The following CTNNA3 variants were observed in gnomAD, a reference collection of about 807,000 sequenced individuals.
The protein encoded by CTNNA3 is catenin alpha 3.
Under a neutral mutation model 95.7 loss-of-function variants are expected in CTNNA3, and 76 were observed. That is an observed-to-expected ratio of 0.79 (90% CI 0.66 to 0.96). The LOEUF is 0.96. CTNNA3 is among the 40% of genes least tolerant of loss of function. The pLI is 0.00. For missense variants in CTNNA3, 1,191 were observed against 1,089.8 expected (o/e 1.09, Z -1.31); for synonymous variants, 431 against 374.4 (o/e 1.15, Z -1.74).
Position 66,334,592 on chromosome 10 carries a change from C to T in CTNNA3, c.1732+44560G>A, listed in dbSNP as rs556340272. On this transcript the variant is annotated intron_variant, in intron 12 of 17. Coordinates refer to ENST00000433211, the MANE Select transcript of CTNNA3 (RefSeq NM_013266.4). The stretch of plus-strand genomic sequence containing the variant: ...CTCTTCTGGCTTGTAGAGTTTCTGC[C>T]GAGAGGTCAGCTGTAAGTCTGATGG... 1.1e-3 allele frequency among the ~76,000 whole-genome samples: 164 copies of T among 152,152 alleles called. 1 individual carries two copies. The highest frequency in any genetic ancestry group is 0.01 in the Middle Eastern group (3 of 294).
intron 17 of CTNNA3, among the ~76,000 whole-genome samples, chr10:65,928,678 A>T (rs2077204165): frequency 6.6e-6 from 1 of 152,194 alleles, no homozygotes; most frequent in Admixed American, 6.5e-5. Context: ...ATTCTGCACA[A>T]ACTGTTAATA....
At chr10:66,659,970 A>C (rs1846204356) in intron 9 of CTNNA3, among the ~76,000 whole-genome samples, 1 of 152,080 alleles carries the variant, frequency 6.6e-6, no homozygotes, top group Non-Finnish European at 1.5e-5. Flanking sequence ...TTATGACAAT[A>C]TTGACAATAT....
intron 7 of CTNNA3, among the ~76,000 whole-genome samples, chr10:67,071,745 A>G (rs1856477064): frequency 6.6e-6 from 1 of 152,084 alleles, no homozygotes; most frequent in Non-Finnish European, 1.5e-5. Context: ...ATTTTTACTT[A>G]TGTTTAAAAA....
intron 10 of CTNNA3, among the ~76,000 whole-genome samples, chr10:66,604,427 C>T (rs1416253042): frequency 2.0e-5 from 3 of 152,130 alleles, no homozygotes; most frequent in African/African-American, 7.2e-5. Flanking sequence ...CCCATTAGCA[C>T]CCTGCTGCAG....
chr10:67,387,319 T>A (rs1003408240), intron 5 of CTNNA3, among the ~76,000 whole-genome samples: 1 of 151,810 alleles, frequency 6.6e-6, no homozygotes, highest in Non-Finnish European at 1.5e-5. Flanking sequence ...AAAAATCGGG[T>A]CACTCCCACC....
chr10:66,102,341 G>A (rs1223294484), intron 14 of CTNNA3, among the ~76,000 whole-genome samples: 1 of 152,126 alleles, frequency 6.6e-6, no homozygotes, highest in Admixed American at 6.5e-5. Context: ...TATATAAGTG[G>A]TCTGTTAGTT....
chr10:66,485,819 T>C (rs1364255424), intron 11 of CTNNA3, among the ~76,000 whole-genome samples: 1 of 152,058 alleles, frequency 6.6e-6, no homozygotes, highest in African/African-American at 2.4e-5. Context: ...CCTAGAGGCA[T>C]CACACTATCT....
At chr10:66,283,675 G>C (rs1269812838) in intron 12 of CTNNA3, among the ~76,000 whole-genome samples, 1 of 151,790 alleles carries the variant, frequency 6.6e-6, no homozygotes, top group African/African-American at 2.4e-5. Flanking sequence ...AGTACAGATG[G>C]AAACTACTAC....
At chr10:66,088,485 TTGTGTGTGTG>T (rs3074377) in intron 14 of CTNNA3, among the ~76,000 whole-genome samples, 19,513 of 139,572 alleles carry the variant, frequency 0.14, 1,505 homozygotes, top group Admixed American at 0.22. Context: ...GGTAGGTGTT[TTGTGTGTGTG>T]TGTGTGTGTG....
intron 17 of CTNNA3, among the ~76,000 whole-genome samples, chr10:65,955,460 T>C (rs959833964): frequency 7.9e-5 from 12 of 152,212 alleles, no homozygotes. Flanking sequence ...ATCCCTGTCT[T>C]GCGCCAGTTT....
rs989965327 is a variant in CTNNA3 at position 66,937,789 on chromosome 10, C to G, written c.1048-162265G>C. The stretch of plus-strand genomic sequence containing the variant: ...AATTTCCTTTGTGAGAAATGCCCTT[C>G]CTCCCTCCCAAGTCCTCCAGTCAAT... On this transcript the variant is annotated intron_variant, in intron 7 of 17. Coordinates refer to ENST00000433211, the MANE Select transcript of CTNNA3 (RefSeq NM_013266.4). 2.6e-5 allele frequency among the ~76,000 whole-genome samples: 4 copies of G among 152,102 alleles called. No individual in the cohort carries two copies. In the East Asian group the frequency reaches 7.7e-4, roughly 29 times the overall value.
At position 66,028,532 on chromosome 10, in the gene CTNNA3, G is replaced by T. The variant is rs1006256228; in HGVS notation, c.2160-39735C>A. ...ACACCGCATGTTCTCACTCATAGGT[G>T]GGAATTGAACAATGAGGACACATGG... On this transcript the variant is annotated intron_variant, in intron 15 of 17. Coordinates refer to ENST00000433211, the MANE Select transcript of CTNNA3 (RefSeq NM_013266.4). 8.6e-5 allele frequency among the ~76,000 whole-genome samples: 13 copies of T among 151,728 alleles called. 1 individual carries two copies.
At position 66,675,320 on chromosome 10, in the gene CTNNA3, C is replaced by A. The variant is rs75391616; in HGVS notation, c.1282-53536G>T. Reference sequence around the variant, plus strand: ...TCCTATTTTCTAGTATTACTACATACCTTTTTGCTCATTTTGTGCTTCTTT... The same window carrying A: ...TCCTATTTTCTAGTATTACTACATAACTTTTTGCTCATTTTGTGCTTCTTT... On this transcript the variant is annotated intron_variant, in intron 9 of 17. Coordinates refer to ENST00000433211, the MANE Select transcript of CTNNA3 (RefSeq NM_013266.4). 4.3e-3 allele frequency among the ~76,000 whole-genome samples: 657 copies of A among 151,636 alleles called. 5 individuals are homozygous for A. Among genetic ancestry groups the A allele is most frequent in the African/African-American group, 0.014 (563 of 41,324 alleles).
intron 3 of CTNNA3, among the ~76,000 whole-genome samples, chr10:67,604,153 T>G (rs1192928245): frequency 6.6e-6 from 1 of 152,232 alleles, no homozygotes; most frequent in Non-Finnish European, 1.5e-5. Context: ...GTACACTCTA[T>G]GATGTTCACA....
chr10:66,292,090 C>CACAA (rs1269172410), intron 12 of CTNNA3, among the ~76,000 whole-genome samples: 1 of 151,586 alleles, frequency 6.6e-6, no homozygotes, highest in Non-Finnish European at 1.5e-5. Flanking sequence ...CACACACACA[C>CACAA]ACACATATAT....
At chr10:67,637,121 G>C (rs542758911) in intron 2 of CTNNA3, among the ~76,000 whole-genome samples, 1 of 152,076 alleles carries the variant, frequency 6.6e-6, no homozygotes, top group Non-Finnish European at 1.5e-5. Context: ...CTTGAAAAAA[G>C]ATTAAACGAA....
chr10:66,920,274 A>G (rs1267305666), intron 7 of CTNNA3, among the ~76,000 whole-genome samples: 1 of 152,224 alleles, frequency 6.6e-6, no homozygotes, highest in Non-Finnish European at 1.5e-5. Context: ...AAAAGTTTAT[A>G]AGTCAGGTTT....
chr10:66,647,731 G>A (rs2132401686), intron 9 of CTNNA3, among the ~76,000 whole-genome samples: 1 of 151,406 alleles, frequency 6.6e-6, no homozygotes, highest in African/African-American at 2.4e-5. Context: ...TTGTTAGCCA[G>A]GATGGTCTCG....
At position 67,017,741 on chromosome 10, in the gene CTNNA3, G is replaced by C. The variant is rs1010185852; in HGVS notation, c.1047+162576C>G. Reference sequence around the variant, plus strand: ...AAAAATCATCTGTGTGTGTGTGTGTGTGTGTGTGTGTGCGCGCGTACAATT... The same window carrying C: ...AAAAATCATCTGTGTGTGTGTGTGTCTGTGTGTGTGTGCGCGCGTACAATT... On this transcript the variant is annotated intron_variant, in intron 7 of 17. Transcript: ENST00000433211. Among the ~76,000 whole-genome samples, 765 of 151,916 alleles carry C rather than the reference G, an allele frequency of 5.0e-3. 7 individuals carry two copies. Among genetic ancestry groups the C allele is most frequent in the African/African-American group, 0.017 (723 of 41,364 alleles).
Sources: gnomAD v4.1 joint callset for allele counts (sites outside exome capture counted in the v4.1 genomes callset) on GRCh38, gnomAD v4.1.1 for gene constraint, MANE v1.5 for transcripts, NCBI Gene and HGNC (gene_info 2026-07-23, HGNC 2026-07-21) for gene names.